OASL: variants seen among roughly 807,000 people sequenced by gnomAD.
OASL encodes the protein 2'-5'-oligoadenylate synthase-like protein.
A neutral mutation model predicts 35.3 loss-of-function variants in OASL; 28 were observed. That is an observed-to-expected ratio of 0.79 (90% CI 0.59 to 1.09). The LOEUF (loss-of-function observed/expected upper bound fraction) is 1.09. OASL is among the 50% of genes least tolerant of loss of function. The pLI is 0.00. For synonymous variants in OASL, 252 were observed against 254.6 expected (o/e 0.99, Z 0.10); for missense variants, 620 against 635.2 (o/e 0.98, Z 0.26).
At chr12:121,021,086 G>A in intron 5 of OASL, 28 bp from the exon 6 acceptor site, 1 of 1,528,176 alleles carries the variant, frequency 6.5e-7, no homozygotes, top group Non-Finnish European at 8.7e-7. Context: ...AAGGAGAGGT[G>A]TTAAGTCCAC....
intron 2 of OASL, among the ~76,000 whole-genome samples, chr12:121,032,526 G>A (rs1025222119): frequency 2.6e-5 from 4 of 152,090 alleles, no homozygotes; most frequent in Non-Finnish European, 2.9e-5. Flanking sequence ...GCACGCCAGC[G>A]TCCCACTTGG....
intron 4 of OASL, among the ~76,000 whole-genome samples, chr12:121,024,520 A>C (rs1869400280): frequency 6.6e-6 from 1 of 152,110 alleles, no homozygotes; most frequent in South Asian, 2.1e-4. Flanking sequence ...CAGAAGGCTG[A>C]GGCAGGAGCA....
At chr12:121,030,386 A>C (rs1187812489) in intron 3 of OASL, among the ~76,000 whole-genome samples, 1 of 151,812 alleles carries the variant, frequency 6.6e-6, no homozygotes, top group African/African-American at 2.4e-5. Context: ...TTGTATTTTT[A>C]GTAGAGATGG....
chr12:121,023,995 C>T lies in OASL; in HGVS notation c.1042G>A (p.Val348Met), dbSNP rs80137384. ...GCCCAGAGAGGAGCCATTACCTTCA[C>T]GTTCCAGCTGGAGATGGGGTTCTCC... Residue 348 changes from valine to methionine, a missense_variant, in exon 5 of 6, where the codon GTG (valine) becomes ATG (methionine). Transcript: ENST00000257570. 2.8e-3 allele frequency: 4,516 copies of T among 1,614,088 alleles called. 13 individuals carry two copies. The highest frequency in any genetic ancestry group is 2.8e-3 in the Non-Finnish European group (3,257 of 1,179,982).
downstream of OASL, among the ~76,000 whole-genome samples, chr12:121,018,955 T>G (rs1869134248): frequency 6.6e-6 from 1 of 150,584 alleles, no homozygotes. Flanking sequence ...GAAGCTGCCA[T>G]CTGTGAATCA....
intron 5 of OASL, 45 bp from the exon 6 acceptor site, chr12:121,021,103 T>C (rs1241040949): frequency 3.3e-6 from 5 of 1,501,958 alleles, no homozygotes; most frequent in Non-Finnish European, 4.4e-6. Flanking sequence ...CCACACTTCT[T>C]TGTCTGATGT....
intron 1 of OASL, among the ~76,000 whole-genome samples, chr12:121,037,629 C>T (rs1379623707): frequency 6.6e-6 from 1 of 151,562 alleles, no homozygotes; most frequent in Non-Finnish European, 1.5e-5. Flanking sequence ...AAAAATTAGC[C>T]GGGCGTGGTG....
At chr12:121,027,947 C>T in intron 3 of OASL, 130 bp from the exon 4 acceptor site, 2 of 723,516 alleles carry the variant, frequency 2.8e-6, no homozygotes, top group Non-Finnish European at 4.6e-6. Flanking sequence ...GTGACCTTGG[C>T]CATGTCACAT....
At chr12:121,033,433 G>A in intron 2 of OASL, 28 bp downstream of exon 2, 2 of 1,598,520 alleles carry the variant, frequency 1.3e-6, no homozygotes, top group South Asian at 2.2e-5. Flanking sequence ...GCAAGTGTGT[G>A]AGTCGGGTGA....
intron 1 of OASL, among the ~76,000 whole-genome samples, chr12:121,036,753 G>A (rs1869973622): frequency 6.6e-6 from 1 of 152,110 alleles, no homozygotes; most frequent in African/African-American, 2.4e-5. Context: ...GGAGGGGGTG[G>A]TCTAGGAGGG....
intron 1 of OASL, 60 bp from the exon 2 acceptor site, chr12:121,033,803 C>T (rs765867966): frequency 4.5e-5 from 70 of 1,556,548 alleles, no homozygotes; most frequent in Admixed American, 5.1e-5. Context: ...GCAACCCCTG[C>T]GGCACTTCAC....
At chr12:121,036,699 C>A (rs1291435733) in intron 1 of OASL, among the ~76,000 whole-genome samples, 1 of 152,126 alleles carries the variant, frequency 6.6e-6, no homozygotes, top group Non-Finnish European at 1.5e-5. Flanking sequence ...CCTCCTCTTA[C>A]CAGACATTCC....
chr12:121,023,148 TTTTG>T (rs971947121), intron 5 of OASL, among the ~76,000 whole-genome samples: 3 of 152,244 alleles, frequency 2.0e-5, no homozygotes, highest in Middle Eastern at 6.8e-3. Flanking sequence ...ACTTAGTATT[TTTTG>T]TTTGTTTGTT....
intron 1 of OASL, among the ~76,000 whole-genome samples, chr12:121,034,484 CCA>C (rs1869873508): frequency 6.6e-6 from 1 of 152,166 alleles, no homozygotes; most frequent in African/African-American, 2.4e-5. Flanking sequence ...GTCTTCTTAC[CCA>C]CAGAGTAAGG....
intron 3 of OASL, among the ~76,000 whole-genome samples, chr12:121,029,565 G>C (rs1368477990): frequency 6.6e-6 from 1 of 152,022 alleles, no homozygotes; most frequent in African/African-American, 2.4e-5. Context: ...GCGGGCACCT[G>C]TAGTCCCAGC....
chr12:121,033,356 G>T, intron 2 of OASL, 105 bp downstream of exon 2: 2 of 1,147,434 alleles, frequency 1.7e-6, no homozygotes, highest in Non-Finnish European at 2.5e-6. Context: ...CAGATGAAAT[G>T]AATAAATGTG....
chr12:121,019,692 C>T (rs542256360), exon 6 of OASL: 1 of 152,312 alleles, frequency 6.6e-6, no homozygotes, highest in East Asian at 1.9e-4. Context: ...TGAGAACTAA[C>T]AAAGGCGATT....
chr12:121,027,960 C>T (rs1051489637), intron 3 of OASL, 143 bp from the exon 4 acceptor site: 2 of 661,502 alleles, frequency 3.0e-6, no homozygotes, highest in Non-Finnish European at 5.2e-6. Flanking sequence ...TGTCACATTC[C>T]ATCTCTAGAC....
exon 4 of OASL, chr12:121,027,767 A>T: frequency 6.2e-7 from 1 of 1,614,188 alleles, no homozygotes. Flanking sequence ...TTAGAAGTTC[A>T]AGAGCATAGA....
Sources: gnomAD v4.1 joint callset for allele counts (sites outside exome capture counted in the v4.1 genomes callset) on GRCh38, gnomAD v4.1.1 for gene constraint, MANE v1.5 for transcripts, NCBI Gene and HGNC (gene_info 2026-07-23, HGNC 2026-07-21) for gene names.